The following KCTD8 variants were observed in gnomAD, a reference collection of about 807,000 sequenced individuals.
KCTD8 encodes the protein BTB/POZ domain-containing protein KCTD8.
In KCTD8, 27 loss-of-function variants were observed where a neutral mutation model predicts 31.5. The observed-to-expected ratio is 0.86, with a 90% confidence interval of 0.63 to 1.18. The LOEUF is 1.18. Ranked by LOEUF, KCTD8 falls within the 50% of genes most tolerant of loss-of-function variation. The pLI, the probability that KCTD8 is intolerant of heterozygous loss-of-function variation, is 0.00. For missense variants in KCTD8, 658 were observed against 647.7 expected, an observed-to-expected ratio of 1.02 and a Z score of -0.17; for synonymous variants, 290 against 280.0, an observed-to-expected ratio of 1.04 and a Z score of -0.36.
chr4:44,224,819 T>C lies in KCTD8; in HGVS notation c.962-49569A>G, dbSNP rs1714905158. On this transcript the variant is annotated intron_variant, in intron 1 of 1. Coordinates refer to ENST00000360029, the MANE Select transcript of KCTD8 (RefSeq NM_198353.3). ...GGTCTGCTTCACAGTCATTCAGGAC[T>C]ACCATTTTCAACCTAAGTCTTCCAA... Among the ~76,000 whole-genome samples the C allele has an allele frequency of 2.6e-5, 4 of 152,290 alleles. No homozygotes were observed. In the South Asian group the frequency reaches 8.3e-4, roughly 32 times the overall value.
intron 1 of KCTD8, among the ~76,000 whole-genome samples, chr4:44,239,245 G>A (rs866172191): frequency 1.3e-5 from 2 of 152,056 alleles, no homozygotes; most frequent in South Asian, 2.1e-4. Context: ...TGATGTTGTC[G>A]TGGACTCTGA....
chr4:44,343,123 C>A (rs1003353357), intron 1 of KCTD8, among the ~76,000 whole-genome samples: 1 of 152,180 alleles, frequency 6.6e-6, no homozygotes, highest in Admixed American at 6.6e-5. Flanking sequence ...AAAGGCCTAG[C>A]TTTTGATCTG....
At chr4:44,370,845 G>A (rs986022139) in intron 1 of KCTD8, among the ~76,000 whole-genome samples, 14 of 152,294 alleles carry the variant, frequency 9.2e-5, no homozygotes, top group African/African-American at 3.4e-4. Flanking sequence ...TGCTGAGTTA[G>A]CCTAACAGTA....
At chr4:44,196,619 CA>C (rs1327163884) in intron 1 of KCTD8, among the ~76,000 whole-genome samples, 3 of 152,134 alleles carry the variant, frequency 2.0e-5, no homozygotes, top group Non-Finnish European at 4.4e-5. Context: ...ACACGAAGAA[CA>C]GAGAAGAGTA....
intron 1 of KCTD8, among the ~76,000 whole-genome samples, chr4:44,329,595 C>A (rs918236090): frequency 6.6e-6 from 1 of 151,882 alleles, no homozygotes; most frequent in Non-Finnish European, 1.5e-5. Context: ...TTCTCACATT[C>A]TTGATCTTAA....
chr4:44,268,765 A>G (rs1716475597), intron 1 of KCTD8, among the ~76,000 whole-genome samples: 1 of 152,156 alleles, frequency 6.6e-6, no homozygotes, highest in Non-Finnish European at 1.5e-5. Context: ...CAGAGAGCCA[A>G]ATCATGAGTG....
chr4:44,296,632 T>C (rs1428851525), intron 1 of KCTD8, among the ~76,000 whole-genome samples: 1 of 152,110 alleles, frequency 6.6e-6, no homozygotes, highest in African/African-American at 2.4e-5. Flanking sequence ...CTTTAATAAG[T>C]TCATAAAATT....
chr4:44,423,514 A>G (rs938341677), intron 1 of KCTD8, among the ~76,000 whole-genome samples: 1 of 152,104 alleles, frequency 6.6e-6, no homozygotes, highest in Non-Finnish European at 1.5e-5. Context: ...TGTCTGCTTA[A>G]TAAAAAGTGA....
At chr4:44,415,510 C>A (rs1228699600) in intron 1 of KCTD8, among the ~76,000 whole-genome samples, 1 of 152,164 alleles carries the variant, frequency 6.6e-6, no homozygotes, top group Non-Finnish European at 1.5e-5. Flanking sequence ...CCTCCCATCA[C>A]AAACCCTGAA....
chr4:44,412,632 G>C (rs1192115429), intron 1 of KCTD8, among the ~76,000 whole-genome samples: 1 of 152,138 alleles, frequency 6.6e-6, no homozygotes, highest in Non-Finnish European at 1.5e-5. Flanking sequence ...TTCTAGGAAA[G>C]AGATTCTTGG....
intron 1 of KCTD8, among the ~76,000 whole-genome samples, chr4:44,309,440 T>C (rs575210941): frequency 6.6e-6 from 1 of 152,300 alleles, no homozygotes; most frequent in East Asian, 1.9e-4. Context: ...AGTAATATTT[T>C]ACAGAATTTG....
chr4:44,355,991 C>T (rs1175976638), intron 1 of KCTD8, among the ~76,000 whole-genome samples: 1 of 152,076 alleles, frequency 6.6e-6, no homozygotes, highest in Admixed American at 6.6e-5. Context: ...AAAATGACCA[C>T]TAAACTTAGA....
At chr4:44,264,603 G>A (rs892440633) in intron 1 of KCTD8, among the ~76,000 whole-genome samples, 36 of 152,324 alleles carry the variant, frequency 2.4e-4, no homozygotes, top group East Asian at 1.4e-3. Context: ...CTCGGGAAGC[G>A]CAAGGGGTCA....
chr4:44,327,075 G>T (rs1718459984), intron 1 of KCTD8, among the ~76,000 whole-genome samples: 1 of 151,862 alleles, frequency 6.6e-6, no homozygotes, highest in African/African-American at 2.4e-5. Flanking sequence ...TTTGCCGAAA[G>T]ATACAGTTTT....
intron 1 of KCTD8, among the ~76,000 whole-genome samples, chr4:44,211,217 C>G (rs1338188705): frequency 6.6e-6 from 1 of 152,140 alleles, no homozygotes; most frequent in Non-Finnish European, 1.5e-5. Flanking sequence ...GGTTATCACA[C>G]CAACAAGTGT....
At chr4:44,315,243 A>G (rs980127410) in intron 1 of KCTD8, among the ~76,000 whole-genome samples, 1 of 152,070 alleles carries the variant, frequency 6.6e-6, no homozygotes, top group Non-Finnish European at 1.5e-5. Context: ...GGATTAAAAG[A>G]AAGAAAATTA....
intron 1 of KCTD8, among the ~76,000 whole-genome samples, chr4:44,444,695 C>T (rs1721894809): frequency 6.6e-6 from 1 of 151,192 alleles, no homozygotes; most frequent in Non-Finnish European, 1.5e-5. Context: ...ATAATTTAAC[C>T]AAGATCACAC....
intron 1 of KCTD8, among the ~76,000 whole-genome samples, chr4:44,191,327 A>G (rs1713757942): frequency 1.3e-5 from 2 of 152,192 alleles, no homozygotes; most frequent in Admixed American, 6.5e-5. Context: ...TGATTGTAAA[A>G]CATGTGTGTT....
At chr4:44,392,956 A>G (rs1183223536) in intron 1 of KCTD8, among the ~76,000 whole-genome samples, 1 of 152,088 alleles carries the variant, frequency 6.6e-6, no homozygotes, top group African/African-American at 2.4e-5. Flanking sequence ...CAGAGAAGAC[A>G]TGGACAAAGA....
Sources: gnomAD v4.1 joint callset for allele counts (sites outside exome capture counted in the v4.1 genomes callset) on GRCh38, gnomAD v4.1.1 for gene constraint, MANE v1.5 for transcripts, NCBI Gene and HGNC (gene_info 2026-07-23, HGNC 2026-07-21) for gene names.